GMPS: variants seen among roughly 807,000 people sequenced by gnomAD.
The protein encoded by GMPS is GMP synthase [glutamine-hydrolyzing].
A neutral mutation model predicts 77.9 loss-of-function variants in GMPS; 15 were observed. That is an observed-to-expected ratio of 0.19 (90% confidence interval 0.13 to 0.30). The LOEUF (loss-of-function observed/expected upper bound fraction) is 0.30. Ranked by LOEUF, GMPS falls within the 10% of genes least tolerant of loss-of-function variation. GMPS has a pLI of 1.00. For synonymous variants in GMPS, 224 were observed against 275.9 expected, an observed-to-expected ratio of 0.81 and a Z score of 1.86; for missense variants, 590 against 838.8, an observed-to-expected ratio of 0.70 and a Z score of 3.66.
chr3:155,907,989 G>A (rs1257975432), intron 5 of GMPS, among the ~76,000 whole-genome samples: 1 of 152,102 alleles, frequency 6.6e-6, no homozygotes, highest in Non-Finnish European at 1.5e-5. Flanking sequence ...CCAGAACACA[G>A]GACCTTTGGG....
chr3:155,887,926 A>G (rs750455884), intron 1 of GMPS, among the ~76,000 whole-genome samples: 5 of 152,228 alleles, frequency 3.3e-5, no homozygotes, highest in Non-Finnish European at 5.9e-5. Flanking sequence ...ATTTAAAAAT[A>G]AAAAGGGATA....
rs566225547 is a variant in GMPS at position 155,903,390 on chromosome 3, G to A, written c.325-473G>A. Among the ~76,000 whole-genome samples, 16 of 152,308 alleles carry A rather than the reference G, an allele frequency of 1.1e-4. No individual in the cohort carries two copies. The South Asian group carries it at 3.1e-3, about 30-fold the overall frequency. On this transcript the variant is annotated intron_variant, in intron 3 of 15. Transcript: ENST00000496455. Reference sequence around the variant, plus strand: ...ATCCCATCTCTATAGCACAGCCTTCGGCAGGCTTTCAGACTGTTCCTTTGG... The same window carrying A: ...ATCCCATCTCTATAGCACAGCCTTCAGCAGGCTTTCAGACTGTTCCTTTGG...
At chr3:155,888,305 TG>T (rs754541663) in intron 1 of GMPS, among the ~76,000 whole-genome samples, 158 of 152,172 alleles carry the variant, frequency 1.0e-3, no homozygotes, top group Admixed American at 1.6e-3. Flanking sequence ...TGTTCTCTCT[TG>T]CCTTGTGTAA....
At chr3:155,914,040 G>A (rs574790323) in intron 7 of GMPS, among the ~76,000 whole-genome samples, 2 of 151,994 alleles carry the variant, frequency 1.3e-5, no homozygotes, top group Admixed American at 1.3e-4. Flanking sequence ...TCCGCCTCCC[G>A]GGTTCACACC....
chr3:155,924,945 G>A (rs1336972804), intron 11 of GMPS, among the ~76,000 whole-genome samples: 1 of 152,128 alleles, frequency 6.6e-6, no homozygotes, highest in African/African-American at 2.4e-5. Context: ...CTGACTTTAT[G>A]GCAAAAAGCA....
chr3:155,903,833 C>A, intron 3 of GMPS, 30 bp from the exon 4 acceptor site: 1 of 909,130 alleles, frequency 1.1e-6, no homozygotes, highest in Non-Finnish European at 1.7e-6. Flanking sequence ...CTTTTGATTT[C>A]TATTAACATT....
chr3:155,927,487 G>C (rs529658937), intron 12 of GMPS, among the ~76,000 whole-genome samples: 2 of 152,076 alleles, frequency 1.3e-5, no homozygotes, highest in Non-Finnish European at 2.9e-5. Flanking sequence ...TTTCTTTCTT[G>C]AAAATGAAAC....
In GMPS at chr3:155,925,256, CAG is replaced by C. The variant is rs1486374727; in HGVS notation, c.1455_1456del (p.Arg485SerfsTer30). ...TTTTTCTCAGCCACATACCCTATTA[CAG>C]AGAGTCAAAGCCTGCACAACAGAAG... ...ASVKKPHTLL[Q>X]RVKACTTEED... On this transcript the variant is annotated frameshift_variant, in exon 12 of 16. Transcript: ENST00000496455. LOFTEE classifies it high-confidence loss of function. 3 of 1,613,096 alleles carry C rather than the reference CAG, an allele frequency of 1.9e-6. No individual in the cohort carries two copies. The highest frequency in any genetic ancestry group is 2.5e-6 in the Non-Finnish European group (3 of 1,179,272).
intron 1 of GMPS, among the ~76,000 whole-genome samples, chr3:155,879,337 A>G (rs924229748): frequency 7.2e-6 from 1 of 139,212 alleles, no homozygotes; most frequent in African/African-American, 2.7e-5. Context: ...GTGCTATCTC[A>G]GCTCACTGCA....
chr3:155,884,750 A>G (rs1174295273), intron 1 of GMPS, among the ~76,000 whole-genome samples: 1 of 152,206 alleles, frequency 6.6e-6, no homozygotes, highest in Non-Finnish European at 1.5e-5. Flanking sequence ...ACCTGAGAAG[A>G]TAGAATTCAT....
At position 155,911,116 on chromosome 3, in the gene GMPS, T is replaced by G. The variant is rs1755026167; in HGVS notation, c.723T>G (p.Val241=). ...TGATTTTTCATTTTACCCCGTAGGTTTTACTCAGTGGTGGAGTAGACTCAA... is the reference window on the plus strand; with the variant it reads ...TGATTTTTCATTTTACCCCGTAGGTGTTACTCAGTGGTGGAGTAGACTCAA... ...KERVGTSKVL[V]LLSGGVDSTV... Residue 241 remains valine (V), a splice_region_variant and synonymous_variant, in exon 7 of 16, where the codon GTT becomes GTG. Transcript: ENST00000496455. The G allele has an allele frequency of 1.3e-6, 2 of 1,593,412 alleles. No homozygotes were observed. Among genetic ancestry groups the G allele is most frequent in the African/African-American group, 1.4e-5 (1 of 73,834 alleles).
upstream of GMPS, chr3:155,870,549 T>G: frequency 2.5e-5 from 7 of 275,710 alleles, no homozygotes; most frequent in Middle Eastern, 1.0e-3. Context: ...GGCCGGCCGG[T>G]TTGGCGGCGG....
In GMPS at chr3:155,891,604, C is replaced by CTTT. The variant is rs35759331; in HGVS notation, c.28-1897_28-1895dup. ...CTGTAGATGACTGATTTGTTTGTTA[C>CTTT]TTTTTTTTTTTTTTTTTTTGAGATG... On this transcript the variant is annotated intron_variant, in intron 1 of 15. Coordinates refer to ENST00000496455, the MANE Select transcript of GMPS (RefSeq NM_003875.3). 4.3e-4 allele frequency among the ~76,000 whole-genome samples: 55 copies of CTTT among 127,894 alleles called. 3 individuals carry two copies. The highest frequency in any genetic ancestry group is 2.6e-4 in the South Asian group (1 of 3,908). 83.9% of individuals were successfully genotyped at this position (127,894 alleles called of 152,430 possible). A position where few individuals can be genotyped will look rare whatever the true frequency, so the allele number is the denominator to read the frequency against.
In GMPS at chr3:155,939,835, A is replaced by G. The variant is rs2108158795; in HGVS notation, c.*2143A>G. 5.0e-6 allele frequency: 1 copy of G among 200,448 alleles called. No individual in the cohort carries two copies. The highest frequency in any genetic ancestry group is 1.9e-4 in the South Asian group (1 of 5,236). The allele number at this position is 200,448 out of a possible 1,614,324, so 12.4% of individuals were successfully genotyped here. On this transcript the variant is annotated 3_prime_UTR_variant, in exon 16 of 16. Coordinates refer to ENST00000496455, the MANE Select transcript of GMPS (RefSeq NM_003875.3). ...TTTTTGCTTTGTGCCATATAGCATT[A>G]CTCTGTACCTTCACAGTATTTCATC...
chr3:155,878,124 C>T (rs1754103210), intron 1 of GMPS, among the ~76,000 whole-genome samples: 1 of 152,124 alleles, frequency 6.6e-6, no homozygotes, highest in African/African-American at 2.4e-5. Flanking sequence ...GGGCTCTGCC[C>T]TCATGCTCTA....
In GMPS at chr3:155,910,816, C is replaced by T. The variant is rs755548997; in HGVS notation, c.651C>T (p.Phe217=). The part of the protein sequence containing the change: ...LYDIAGCSGT[F]TVQNRELECI... ...ATATAGCTGGATGCAGTGGAACCTT[C>T]ACCGTGCAGAACAGAGAACTTGAGT... is the stretch of plus-strand genomic sequence containing the variant. The change falls in exon 6 of 16, where the codon TTC becomes TTT. Residue 217 remains phenylalanine (F), a synonymous_variant. Transcript: ENST00000496455. 4.3e-6 allele frequency: 7 copies of T among 1,612,308 alleles called. No homozygotes were observed. In the African/African-American group the frequency reaches 8.0e-5, roughly 18 times the overall value.
Position 155,917,102 on chromosome 3 carries a change from TAGCTGGG to T in GMPS, c.1212+912_1212+918del, listed in dbSNP as rs529463513. The stretch of plus-strand genomic sequence containing the variant: ...GATTCTGCTGCCTCAGCCTCTCAAG[TAGCTGGG>T]ATTACAGGCATGCGCCACGAGGCCC... On this transcript the variant is annotated intron_variant, in intron 9 of 15. Transcript: ENST00000496455. 3.5e-4 allele frequency among the ~76,000 whole-genome samples: 54 copies of T among 152,172 alleles called. 1 individual carries two copies. The South Asian group carries it at 0.011, about 31-fold the overall frequency.
chr3:155,942,192 T>C lies in GMPS; in HGVS notation c.*4500T>C, dbSNP rs1755908971. The C allele has an allele frequency of 5.5e-6, 1 of 182,290 alleles. No homozygotes were observed. Among genetic ancestry groups the C allele is most frequent in the Admixed American group, 6.3e-5 (1 of 15,942 alleles). The allele number at this position is 182,290 out of a possible 1,614,324, so 11.3% of individuals were successfully genotyped here. On this transcript the variant is annotated 3_prime_UTR_variant, in exon 16 of 16. Coordinates refer to ENST00000496455, the MANE Select transcript of GMPS (RefSeq NM_003875.3). ...AGCTCCGCTTCGTGGGTTCACGCCA[T>C]TCTCCTGCCTCAGTCTCCCGAGTAG...
Position 155,910,822 on chromosome 3 carries a change from G to A in GMPS, c.657G>A (p.Val219=), listed in dbSNP as rs1180370264. The change falls in exon 6 of 16, where the codon GTG becomes GTA. Residue 219 remains valine, a synonymous_variant. Coordinates refer to ENST00000496455, the MANE Select transcript of GMPS (RefSeq NM_003875.3). ...DIAGCSGTFT[V]QNRELECIRE... ...CTGGATGCAGTGGAACCTTCACCGTGCAGAACAGAGAACTTGAGTGTATTC... is the reference window on the plus strand; with the variant it reads ...CTGGATGCAGTGGAACCTTCACCGTACAGAACAGAGAACTTGAGTGTATTC... 1.9e-6 allele frequency: 3 copies of A among 1,611,936 alleles called. No individual in the cohort carries two copies. In the South Asian group the frequency reaches 3.3e-5, roughly 18 times the overall value.
Sources: allele counts gnomAD v4.1 joint callset (sites outside exome capture counted in the v4.1 genomes callset), GRCh38; gene constraint gnomAD v4.1.1; transcripts MANE v1.5; gene names NCBI Gene and HGNC (gene_info 2026-07-23, HGNC 2026-07-21).